TRPM3: variants seen among roughly 807,000 people sequenced by gnomAD.
TRPM3 encodes transient receptor potential cation channel subfamily M member 3, also known as long transient receptor potential channel 3.
Under a neutral mutation model 181.2 loss-of-function variants are expected in TRPM3, and 77 were observed. That is an observed-to-expected ratio of 0.42 (90% CI 0.35 to 0.51). TRPM3 has a LOEUF of 0.51. Among genes scored for constraint, TRPM3 ranks in the 20% least tolerant of loss-of-function variants. The probability of loss-of-function intolerance (pLI) is 0.01; values close to 1 mark genes in which losing one functional copy is unlikely to be tolerated. For synonymous variants in TRPM3, 745 were observed against 796.4 expected, an observed-to-expected ratio of 0.94 and a Z score of 1.09; for missense variants, 1,759 against 2,196.7, an observed-to-expected ratio of 0.80 and a Z score of 3.98.
chr9:71,368,045 C>T (rs984479664), intron 1 of TRPM3, among the ~76,000 whole-genome samples: 18 of 152,000 alleles, frequency 1.2e-4, no homozygotes, highest in African/African-American at 3.9e-4. Context: ...TATGTGTACA[C>T]ACACACACAT....
intron 1 of TRPM3, among the ~76,000 whole-genome samples, chr9:70,895,910 G>A (rs1316932654): frequency 1.3e-5 from 2 of 152,128 alleles, no homozygotes; most frequent in African/African-American, 4.8e-5. Flanking sequence ...TTAGGAATGG[G>A]AGAGTGATAA....
rs541876779 is a variant in TRPM3, at chr9:71,252,145, A to G, written c.183+194508T>C. Among the ~76,000 whole-genome samples, 4 of 152,302 alleles carry G rather than the reference A, an allele frequency of 2.6e-5. No individual in the cohort carries two copies. In the South Asian group the frequency reaches 8.3e-4, roughly 32 times the overall value. On this transcript the variant is annotated intron_variant, in intron 1 of 24. Coordinates refer to the TRPM3 transcript ENST00000357533. ...TATTGTGAATAGTGCTGCAATAAAC[A>G]TGGGAGTGCAGATATCTGATATACT... is the stretch of plus-strand genomic sequence containing the variant.
chr9:70,675,376 G>A (rs1264715428), intron 9 of TRPM3, among the ~76,000 whole-genome samples: 1 of 152,174 alleles, frequency 6.6e-6, no homozygotes, highest in Non-Finnish European at 1.5e-5. Context: ...GATTACAGGT[G>A]TGAGACACTG....
chr9:70,606,665 A>ATATG (rs1460234230), intron 19 of TRPM3, among the ~76,000 whole-genome samples: 1 of 151,466 alleles, frequency 6.6e-6, no homozygotes, highest in African/African-American at 2.4e-5. Flanking sequence ...ATATATATAT[A>ATATG]TATGTATACT....
At chr9:70,913,622 T>C (rs937277748) in intron 1 of TRPM3, among the ~76,000 whole-genome samples, 4 of 152,216 alleles carry the variant, frequency 2.6e-5, no homozygotes, top group African/African-American at 9.6e-5. Flanking sequence ...TATCTTAGTA[T>C]TATCAAGTAC....
chr9:70,856,569 C>A (rs2095394319), intron 3 of TRPM3, among the ~76,000 whole-genome samples: 1 of 152,142 alleles, frequency 6.6e-6, no homozygotes, highest in South Asian at 2.1e-4. Context: ...AGATGTCATG[C>A]TGCTGACAGC....
At chr9:71,313,811 A>G (rs1315987970) in intron 1 of TRPM3, among the ~76,000 whole-genome samples, 1 of 152,116 alleles carries the variant, frequency 6.6e-6, no homozygotes, top group Non-Finnish European at 1.5e-5. Flanking sequence ...CTTTTTCATC[A>G]TGGAACCTTA....
intron 1 of TRPM3, among the ~76,000 whole-genome samples, chr9:71,043,887 A>G (rs2059116286): frequency 6.6e-6 from 1 of 152,164 alleles, no homozygotes; most frequent in African/African-American, 2.4e-5. Flanking sequence ...TGATTCACAA[A>G]GTCTAGTAGT....
chr9:70,969,754 T>TATATATATATATA, intron 1 of TRPM3, among the ~76,000 whole-genome samples: 1 of 60,994 alleles, frequency 1.6e-5, no homozygotes, highest in Non-Finnish European at 3.5e-5. Context: ...GACTGAATGA[T>TATATATATATATA]TTTATATATA....
At chr9:71,156,376 G>GACACACAC (rs71507025) in intron 1 of TRPM3, among the ~76,000 whole-genome samples, 2,117 of 138,392 alleles carry the variant, frequency 0.015, 32 homozygotes, top group East Asian at 0.058. Context: ...ATATACTACA[G>GACACACAC]ACACACACAC....
chr9:70,795,712 TA>T, intron 6 of TRPM3, among the ~76,000 whole-genome samples: 1 of 152,214 alleles, frequency 6.6e-6, no homozygotes, highest in East Asian at 1.9e-4. Context: ...AAATGCTAAA[TA>T]ACAAAACCCA....
chr9:70,794,614 C>A (rs1014920475), intron 6 of TRPM3, among the ~76,000 whole-genome samples: 17 of 152,182 alleles, frequency 1.1e-4, no homozygotes, highest in Non-Finnish European at 1.8e-4. Flanking sequence ...TGCATCTGGG[C>A]AGAATCTTCT....
At chr9:70,840,443 C>CCCT (rs2094565082) in intron 5 of TRPM3, among the ~76,000 whole-genome samples, 1 of 152,084 alleles carries the variant, frequency 6.6e-6, no homozygotes, top group Admixed American at 6.6e-5. Flanking sequence ...TTTGCCTTTA[C>CCCT]GAGACCCTCG....
intron 1 of TRPM3, among the ~76,000 whole-genome samples, chr9:70,911,823 A>T (rs76096466): frequency 0.066 from 10,099 of 152,234 alleles, 365 homozygotes; most frequent in South Asian, 0.085. Context: ...TTGCTGCATT[A>T]CAACAGCATC....
chr9:70,935,346 T>C (rs149754376), intron 1 of TRPM3, among the ~76,000 whole-genome samples: 8 of 152,316 alleles, frequency 5.3e-5, no homozygotes, highest in South Asian at 2.1e-4. Flanking sequence ...CTTGGAAGCA[T>C]GTACCCCTAC....
chr9:70,755,117 T>C (rs2076829188), intron 8 of TRPM3, among the ~76,000 whole-genome samples: 1 of 152,186 alleles, frequency 6.6e-6, no homozygotes, highest in South Asian at 2.1e-4. Flanking sequence ...AGATAAATTG[T>C]TGCTTCTTAA....
chr9:71,334,403 A>G (rs564418102), intron 1 of TRPM3, among the ~76,000 whole-genome samples: 1 of 151,900 alleles, frequency 6.6e-6, no homozygotes, highest in East Asian at 1.9e-4. Flanking sequence ...AAAAGAGACC[A>G]ATTTCTAATA....
In TRPM3 at chr9:71,258,958, A is replaced by G. The variant is rs141375656; in HGVS notation, c.183+187695T>C. 2.6e-4 allele frequency among the ~76,000 whole-genome samples: 40 copies of G among 152,270 alleles called. No individual in the cohort carries two copies. The East Asian group carries it at 7.5e-3, about 29-fold the overall frequency. Reference sequence around the variant, plus strand: ...TGTGCAGAACATGTGGGTTTGTTACATAGGCATACATGTGCCATGGTGGTT... The same window carrying G: ...TGTGCAGAACATGTGGGTTTGTTACGTAGGCATACATGTGCCATGGTGGTT... On this transcript the variant is annotated intron_variant, in intron 1 of 24. Coordinates refer to the TRPM3 transcript ENST00000357533.
At chr9:70,746,688 G>T (rs2075222093) in intron 8 of TRPM3, among the ~76,000 whole-genome samples, 1 of 151,974 alleles carries the variant, frequency 6.6e-6, no homozygotes, top group African/African-American at 2.4e-5. Flanking sequence ...TATCACATTG[G>T]GGTAAAAAAA....
Sources: gnomAD v4.1 joint callset for allele counts (sites outside exome capture counted in the v4.1 genomes callset) on GRCh38, gnomAD v4.1.1 for gene constraint, MANE v1.5 for transcripts, NCBI Gene and HGNC (gene_info 2026-07-23, HGNC 2026-07-21) for gene names.